The following PCDH15 variants were observed in gnomAD, a reference collection of about 807,000 sequenced individuals.
PCDH15 encodes the protein protocadherin related 15, also known as protocadherin-15.
PCDH15 carries 129 observed loss-of-function variants against 178.5 expected under a neutral mutation model. The observed-to-expected ratio is 0.72, with a 90% confidence interval of 0.63 to 0.84. The LOEUF (loss-of-function observed/expected upper bound fraction) is 0.84. PCDH15 is among the 40% of genes least tolerant of loss of function. The pLI is 0.00. For missense variants in PCDH15, 2,230 were observed against 2,099.9 expected (o/e 1.06, Z -1.21); for synonymous variants, 800 against 732.0 (o/e 1.09, Z -1.50).
rs145931653 is a variant in PCDH15, at chr10:55,169,954, T to C, written c.-155-3303A>G. On this transcript the variant is annotated intron_variant, in intron 1 of 5. Transcript: ENST00000458638. ...ATAAAATTCTATGAGTCAAATTCCATAGACTGTTACTTAAATTTACTGATA... is the reference window on the plus strand; with the variant it reads ...ATAAAATTCTATGAGTCAAATTCCACAGACTGTTACTTAAATTTACTGATA... Among the ~76,000 whole-genome samples the C allele has an allele frequency of 3.2e-3, 483 of 150,724 alleles. 7 individuals carry two copies. The highest frequency in any genetic ancestry group is 0.011 in the African/African-American group (447 of 40,910).
intron 2 of PCDH15, among the ~76,000 whole-genome samples, chr10:55,602,629 C>G (rs966527258): frequency 1.4e-4 from 22 of 152,140 alleles, no homozygotes; most frequent in African/African-American, 5.1e-4. Context: ...CAGGGGCACA[C>G]TGACACCTCA....
chr10:55,571,038 C>T (rs898923158), intron 2 of PCDH15, among the ~76,000 whole-genome samples: 11 of 152,140 alleles, frequency 7.2e-5, no homozygotes, highest in Non-Finnish European at 1.3e-4. Context: ...GAACTGTGAT[C>T]CCCAGGTCCG....
intron 1 of PCDH15, among the ~76,000 whole-genome samples, chr10:55,172,698 A>G (rs372449805): frequency 2.0e-5 from 3 of 152,026 alleles, no homozygotes; most frequent in East Asian, 1.9e-4. Flanking sequence ...ACTATTCTTT[A>G]AATTATGTTT....
In PCDH15 at chr10:54,023,150, C is replaced by T. The variant is rs143662833; in HGVS notation, c.2268G>A (p.Leu756=). 1.0e-4 allele frequency: 165 copies of T among 1,613,650 alleles called. No homozygotes were observed. Among genetic ancestry groups the T allele is most frequent in the Non-Finnish European group, 1.3e-4 (158 of 1,179,878 alleles). Residue 756 remains leucine, a synonymous_variant, in exon 19 of 38, where the codon TTG becomes TTA. Transcript: ENST00000644397. The stretch of plus-strand genomic sequence containing the variant: ...TACGAAAAAGATTATTAAAGTTACC[C>T]AAACTGTAGTGCACTTGACCATTTA... ...AGINGQVHYS[L]GNFNNLFRIT...
rs569080985 is a variant in PCDH15 at position 54,834,551 on chromosome 10, G to A, written c.-29+62899C>T. 1.0e-4 allele frequency among the ~76,000 whole-genome samples: 15 copies of A among 149,828 alleles called. No individual in the cohort carries two copies. The South Asian group carries it at 1.7e-3, about 17-fold the overall frequency. On this transcript the variant is annotated intron_variant, in intron 3 of 5. Transcript: ENST00000458638. ...TTCTTACAATATGTATGATAGCTGT[G>A]AAAAAAACAGAATAAGAAAGAAAGA...
Position 53,866,828 on chromosome 10 carries a change from A to C in PCDH15, c.3531T>G (p.Ser1177Arg). Residue 1177 changes from serine to arginine, a missense_variant, in exon 27 of 38, where the codon AGT (serine) becomes AGG (arginine). Ser to Arg is a moderately radical substitution (Grantham distance 110). Transcript: ENST00000644397. Reference sequence around the variant, plus strand: ...GTATTATGAGTCTGTAGGCCATGACACTATAATTGCCAGTATCTTTATCAG... The same window carrying C: ...GTATTATGAGTCTGTAGGCCATGACCCTATAATTGCCAGTATCTTTATCAG... ...KATDKDTGNYSVMAYRLIIPP... is the reference protein window; with the variant it reads ...KATDKDTGNYRVMAYRLIIPP... 6.2e-7 allele frequency: 1 copy of C among 1,612,590 alleles called. No individual in the cohort carries two copies. The highest frequency in any genetic ancestry group is 8.5e-7 in the Non-Finnish European group (1 of 1,178,848).
chr10:55,203,636 T>C (rs1272758226), intron 1 of PCDH15, among the ~76,000 whole-genome samples: 1 of 152,068 alleles, frequency 6.6e-6, no homozygotes, highest in Non-Finnish European at 1.5e-5. Flanking sequence ...AGAGGGGCCA[T>C]GGTAGTTGGC....
intron 2 of PCDH15, among the ~76,000 whole-genome samples, chr10:54,647,100 CAG>C (rs1189963297): frequency 1.3e-5 from 2 of 151,948 alleles, no homozygotes; most frequent in Non-Finnish European, 2.9e-5. Flanking sequence ...TTTTCATTGA[CAG>C]ATGAATACAT....
chr10:54,283,396 C>A (rs528155639), intron 8 of PCDH15, among the ~76,000 whole-genome samples: 4 of 152,224 alleles, frequency 2.6e-5, no homozygotes, highest in Admixed American at 6.6e-5. Context: ...GATTCAACCA[C>A]TGCTAGGCTG....
At chr10:54,939,029 T>C (rs1471673117) in intron 2 of PCDH15, among the ~76,000 whole-genome samples, 2 of 152,164 alleles carry the variant, frequency 1.3e-5, no homozygotes, top group Non-Finnish European at 2.9e-5. Context: ...GACAGTTTTC[T>C]GACCTACAGA....
chr10:54,758,908 C>T (rs1371429626), intron 1 of PCDH15, among the ~76,000 whole-genome samples: 1 of 152,072 alleles, frequency 6.6e-6, no homozygotes, highest in East Asian at 1.9e-4. Context: ...CTGACTTATG[C>T]CTGTATTTTC....
chr10:54,521,543 T>C (rs10825346), intron 3 of PCDH15, among the ~76,000 whole-genome samples: 14,666 of 152,206 alleles, frequency 0.096, 1,035 homozygotes, highest in East Asian at 0.35. Context: ...CTATTGAATC[T>C]TCCCTCTTTA....
chr10:54,436,051 A>AAG (rs2075384390), intron 3 of PCDH15, among the ~76,000 whole-genome samples: 1 of 138,462 alleles, frequency 7.2e-6, no homozygotes, highest in Non-Finnish European at 1.5e-5. Flanking sequence ...AGAGAGAGAG[A>AAG]AAAGAAAGAA....
intron 3 of PCDH15, among the ~76,000 whole-genome samples, chr10:54,416,169 T>C (rs559151905): frequency 6.6e-6 from 1 of 152,030 alleles, no homozygotes; most frequent in East Asian, 1.9e-4. Context: ...ATTTTTACTT[T>C]AAGTTCTGGG....
chr10:55,542,339 AAT>A (rs1330573500), intron 2 of PCDH15, among the ~76,000 whole-genome samples: 6 of 150,984 alleles, frequency 4.0e-5, no homozygotes, highest in African/African-American at 7.3e-5. Flanking sequence ...ATGCCCCTTG[AAT>A]ATATGTTAGT....
intron 15 of PCDH15, among the ~76,000 whole-genome samples, chr10:54,121,618 A>C (rs551792770): frequency 1.4e-4 from 22 of 152,244 alleles, no homozygotes; most frequent in African/African-American, 5.3e-4. Flanking sequence ...AAAGTGGTGT[A>C]ATGTCACAGC....
At chr10:55,553,794 T>G (rs1296654223) in intron 2 of PCDH15, among the ~76,000 whole-genome samples, 2 of 151,932 alleles carry the variant, frequency 1.3e-5, no homozygotes, top group Non-Finnish European at 2.9e-5. Flanking sequence ...ACAAACTAAG[T>G]GATCAATATA....
intron 2 of PCDH15, among the ~76,000 whole-genome samples, chr10:55,023,234 G>A (rs1009237321): frequency 3.3e-5 from 5 of 152,192 alleles, no homozygotes; most frequent in African/African-American, 9.6e-5. Flanking sequence ...GAGCCACCGC[G>A]CCCGGTTTAT....
intron 2 of PCDH15, among the ~76,000 whole-genome samples, chr10:54,626,778 C>T (rs1480252879): frequency 6.6e-6 from 1 of 152,254 alleles, no homozygotes; most frequent in East Asian, 1.9e-4. Flanking sequence ...CACTGTCCTC[C>T]AGACCCCAGA....
Sources: allele counts gnomAD v4.1 joint callset (sites outside exome capture counted in the v4.1 genomes callset), GRCh38; gene constraint gnomAD v4.1.1; transcripts MANE v1.5; gene names NCBI Gene and HGNC (gene_info 2026-07-23, HGNC 2026-07-21).